PHLPP2: variants seen among roughly 807,000 people sequenced by gnomAD.
PHLPP2 encodes the protein PH domain and leucine rich repeat protein phosphatase 2, also known as PH domain leucine-rich repeat-containing protein phosphatase 2.
In PHLPP2, 66 loss-of-function variants were observed where a neutral mutation model predicts 124.9. That is an observed-to-expected ratio of 0.53 (90% CI 0.43 to 0.65). The LOEUF is 0.65. Ranked by LOEUF, PHLPP2 falls within the 30% of genes least tolerant of loss-of-function variation. The pLI, the probability that PHLPP2 is intolerant of heterozygous loss-of-function variation, is 0.00. For missense variants in PHLPP2, 1,685 were observed against 1,600.4 expected, an observed-to-expected ratio of 1.05 and a Z score of -0.90; for synonymous variants, 681 against 624.7, an observed-to-expected ratio of 1.09 and a Z score of -1.34.
At chr16:71,650,476 G>A (rs942992148) in intron 18 of PHLPP2, among the ~76,000 whole-genome samples, 8 of 152,172 alleles carry the variant, frequency 5.3e-5, no homozygotes, top group African/African-American at 1.7e-4. Flanking sequence ...AGATACCAAT[G>A]GCAAAGACAA....
chr16:71,662,129 G>C (rs77365751), intron 13 of PHLPP2, among the ~76,000 whole-genome samples: 16,421 of 151,016 alleles, frequency 0.11, 1,320 homozygotes, highest in South Asian at 0.4. Flanking sequence ...GCCTCTACAA[G>C]TAAAAGGTTA....
rs2044684897 is a variant in PHLPP2 at position 71,649,971 on chromosome 16, G to C, written c.2891C>G (p.Pro964Arg). Residue 964 changes from proline (P) to arginine (R), a missense_variant, in exon 19 of 19, where the codon CCC becomes CGC. Coordinates refer to ENST00000568954, the MANE Select transcript of PHLPP2 (RefSeq NM_015020.3). Reference protein sequence around the residue: ...GCTYLYPWILPKPHISSTPLT... With the variant: ...GCTYLYPWILRKPHISSTPLT... ...CGGAGTGGAAGATATGTGGGGCTTG[G>C]GGAGGATCCAAGGGTAGAGGTATGT... The C allele has an allele frequency of 6.2e-7, 1 of 1,613,796 alleles. No homozygotes were observed. The highest frequency in any genetic ancestry group is 8.5e-7 in the Non-Finnish European group (1 of 1,179,986).
At chr16:71,715,416 C>T (rs1359147522) in intron 1 of PHLPP2, 1 of 152,458 alleles carries the variant, frequency 6.6e-6, no homozygotes, top group African/African-American at 2.4e-5. Flanking sequence ...TGGCTCACAT[C>T]TGTAATCCCA....
chr16:71,691,347 G>T (rs1198567268), intron 3 of PHLPP2, among the ~76,000 whole-genome samples: 2 of 152,078 alleles, frequency 1.3e-5, no homozygotes, highest in Admixed American at 1.3e-4. Context: ...TATAGTCCCA[G>T]CTGCTCAGGA....
intron 3 of PHLPP2, among the ~76,000 whole-genome samples, chr16:71,698,389 C>T (rs920713406): frequency 3.3e-5 from 5 of 152,218 alleles, no homozygotes; most frequent in Non-Finnish European, 5.9e-5. Context: ...CTTGGCCCTA[C>T]ATAGGGCCTC....
intron 17 of PHLPP2, among the ~76,000 whole-genome samples, chr16:71,653,992 G>A (rs1013818894): frequency 4.0e-4 from 60 of 151,306 alleles, no homozygotes; most frequent in Non-Finnish European, 7.7e-4. Context: ...TCAGGAGATC[G>A]AGACCATCCT....
At position 71,655,268 on chromosome 16, in the gene PHLPP2, T is replaced by G; in HGVS notation, c.2557A>C (p.Met853Leu). ...VQQSTNDTVFMANTFLVSHRK... is the reference protein window; with the variant it reads ...VQQSTNDTVFLANTFLVSHRK... ...TGAGATACCAAGAAGGTGTTAGCCA[T>G]GAAAACTGTGTCATTAGTTGACTGC... The change falls in exon 17 of 19, where the codon ATG becomes CTG. Residue 853 changes from methionine to leucine, a missense_variant. Met to Leu is a conservative substitution (Grantham distance 15). Transcript: ENST00000568954. 1.2e-6 allele frequency: 2 copies of G among 1,613,776 alleles called. No individual in the cohort carries two copies. Among genetic ancestry groups the G allele is most frequent in the Non-Finnish European group, 1.7e-6 (2 of 1,179,694 alleles).
chr16:71,652,239 G>A (rs1187980501), intron 18 of PHLPP2, among the ~76,000 whole-genome samples: 1 of 152,118 alleles, frequency 6.6e-6, no homozygotes, highest in Non-Finnish European at 1.5e-5. Flanking sequence ...AATTCATCAC[G>A]GAATTCCACT....
At chr16:71,683,133 T>C (rs1360363739) in intron 5 of PHLPP2, among the ~76,000 whole-genome samples, 3 of 151,612 alleles carry the variant, frequency 2.0e-5, no homozygotes, top group Non-Finnish European at 4.4e-5. Context: ...ACTATACCAC[T>C]GCACTCCAGC....
chr16:71,721,623 G>A (rs1294813113), intron 1 of PHLPP2, among the ~76,000 whole-genome samples: 1 of 150,904 alleles, frequency 6.6e-6, no homozygotes, highest in Non-Finnish European at 1.5e-5. Context: ...AATTTTTTTT[G>A]GCATTAATTG....
intron 10 of PHLPP2, among the ~76,000 whole-genome samples, chr16:71,670,910 AAATTGCCCAC>A (rs528824529): frequency 9.2e-5 from 14 of 152,106 alleles, no homozygotes; most frequent in Non-Finnish European, 1.8e-4. Context: ...AAGCTGAGGG[AAATTGCCCAC>A]AATGGCCTCT....
intron 2 of PHLPP2, among the ~76,000 whole-genome samples, chr16:71,710,902 T>C (rs2045319423): frequency 6.6e-6 from 1 of 152,226 alleles, no homozygotes; most frequent in Admixed American, 6.5e-5. Context: ...TTTGAACCCA[T>C]ACACTCTCAT....
At position 71,648,612 on chromosome 16, in the gene PHLPP2, A is replaced by T. The variant is rs1036526704; in HGVS notation, c.*278T>A. On this transcript the variant is annotated 3_prime_UTR_variant, in exon 19 of 19. Coordinates refer to ENST00000568954, the MANE Select transcript of PHLPP2 (RefSeq NM_015020.3). ...TGGTGAAACCCCGTCTCTAAAAAAA[A>T]AAAATAAAACTTAGCCGGGCATAAT... 2 of 430,018 alleles carry T rather than the reference A, an allele frequency of 4.7e-6. No homozygotes were observed. Among genetic ancestry groups the T allele is most frequent in the Admixed American group, 3.9e-5 (1 of 25,874 alleles). 26.6% of individuals were successfully genotyped at this position (430,018 alleles called of 1,614,324 possible). A position where few individuals can be genotyped will look rare whatever the true frequency, so the allele number is the denominator to read the frequency against.
chr16:71,724,179 G>T (rs879749996), intron 1 of PHLPP2, 150 bp downstream of exon 1: 1 of 152,352 alleles, frequency 6.6e-6, no homozygotes, highest in Non-Finnish European at 1.5e-5. Context: ...GGTATTTGCT[G>T]CTTTCCCCGC....
intron 3 of PHLPP2, among the ~76,000 whole-genome samples, chr16:71,701,746 C>G (rs2045234934): frequency 1.6e-5 from 1 of 63,804 alleles, no homozygotes; most frequent in Non-Finnish European, 2.8e-5. Context: ...TGCAGTCAAT[C>G]ATGGTCTGAA....
At chr16:71,658,585 G>C (rs1319940567) in intron 14 of PHLPP2, 68 bp downstream of exon 14, 1 of 1,482,278 alleles carries the variant, frequency 6.7e-7, no homozygotes, top group African/African-American at 1.4e-5. Context: ...TTTATAAAAG[G>C]AAAATAATGT....
At position 71,702,705 on chromosome 16, in the gene PHLPP2, A is replaced by C; in HGVS notation, c.311T>G (p.Leu104Arg). The C allele has an allele frequency of 6.2e-7, 1 of 1,608,432 alleles. No homozygotes were observed. Among genetic ancestry groups the C allele is most frequent in the South Asian group, 1.1e-5 (1 of 90,608 alleles). ...VRRLEPTERP[L>R]QIVYDYLSRL... The stretch of plus-strand genomic sequence containing the variant: ...GGATAAGTAATCATAAACGATCTGA[A>C]GAGGTCGTTCAGTAGGTTCCAGTCT... The change falls in exon 3 of 19, where the codon CTT becomes CGT. Residue 104 changes from leucine (L) to arginine (R), a missense_variant. Transcript: ENST00000568954.
chr16:71,696,708 C>T (rs2045174846), intron 3 of PHLPP2, among the ~76,000 whole-genome samples: 1 of 151,824 alleles, frequency 6.6e-6, no homozygotes, highest in Admixed American at 6.6e-5. Flanking sequence ...ACTCCTCAGT[C>T]ACTCCCTTGA....
In PHLPP2 at chr16:71,684,406, G is replaced by A. The variant is rs544424440; in HGVS notation, c.735+70C>T. The A allele has an allele frequency of 2.2e-4, 344 of 1,530,366 alleles. 6 individuals carry two copies. The South Asian group carries it at 3.1e-3, about 14-fold the overall frequency. The allele number at this position is 1,530,366 out of a possible 1,614,324, so 94.8% of individuals were successfully genotyped here. ...CTCCCAAAGTGCTGGGATTACAGACGTGAGCCACCACGCCCGGCCTAGGGT... is the reference window on the plus strand; with the variant it reads ...CTCCCAAAGTGCTGGGATTACAGACATGAGCCACCACGCCCGGCCTAGGGT... On this transcript the variant is annotated intron_variant, in intron 5 of 18. Transcript: ENST00000568954.
Sources: allele counts gnomAD v4.1 joint callset (sites outside exome capture counted in the v4.1 genomes callset), GRCh38; gene constraint gnomAD v4.1.1; transcripts MANE v1.5; gene names NCBI Gene and HGNC (gene_info 2026-07-23, HGNC 2026-07-21).